The following RAI1 variants were observed in gnomAD, a reference collection of about 807,000 sequenced individuals.
RAI1 encodes the protein retinoic acid induced 1, also known as retinoic acid-induced protein 1.
Under a neutral mutation model 123.8 loss-of-function variants are expected in RAI1, and 9 were observed. The ratio of observed to expected loss-of-function variants is 0.07; its 90% confidence interval spans 0.04 to 0.13. The LOEUF (loss-of-function observed/expected upper bound fraction) is 0.13, where lower values mean the gene tolerates loss of function less well. Among genes scored for constraint, RAI1 ranks in the 10% least tolerant of loss-of-function variants. The pLI, the probability that RAI1 is intolerant of heterozygous loss-of-function variation, is 1.00. For missense variants in RAI1, 2,256 were observed against 2,545.8 expected (o/e 0.89, Z 2.45); for synonymous variants, 1,231 against 1,127.3 (o/e 1.09, Z -1.84).
intron 3 of RAI1, among the ~76,000 whole-genome samples, chr17:17,802,669 G>A (rs1052602164): frequency 6.6e-6 from 1 of 152,134 alleles, no homozygotes; most frequent in Non-Finnish European, 1.5e-5. Context: ...CCAGCTACTG[G>A]GGAGGCTGAG....
rs566953006 is a variant in RAI1, at chr17:17,691,643, G to C, written c.-149+9850G>C. On this transcript the variant is annotated intron_variant, in intron 1 of 5. Coordinates refer to ENST00000353383, the MANE Select transcript of RAI1 (RefSeq NM_030665.4). ...GCTACCAGGCACCTGGTGTGTGCCCGGGGAGAAGTCAGAAAAAGGCCTGGC... is the reference window on the plus strand; with the variant it reads ...GCTACCAGGCACCTGGTGTGTGCCCCGGGAGAAGTCAGAAAAAGGCCTGGC... 2.6e-5 allele frequency among the ~76,000 whole-genome samples: 4 copies of C among 152,280 alleles called. No homozygotes were observed. The East Asian group carries it at 7.7e-4, about 29-fold the overall frequency.
At chr17:17,790,510 G>A (rs1454012617) in intron 2 of RAI1, among the ~76,000 whole-genome samples, 2 of 152,182 alleles carry the variant, frequency 1.3e-5, no homozygotes, top group African/African-American at 2.4e-5. Flanking sequence ...TAAACAGGGA[G>A]GGAGGAATGC....
chr17:17,700,645 A>G (rs1439656140), intron 1 of RAI1, among the ~76,000 whole-genome samples: 1 of 151,978 alleles, frequency 6.6e-6, no homozygotes, highest in Non-Finnish European at 1.5e-5. Context: ...GGGATGGGAG[A>G]GAAGAGGAGA....
Position 17,800,122 on chromosome 17 carries a change from C to T in RAI1, c.5565+1609C>T, listed in dbSNP as rs2032402182. Among the ~76,000 whole-genome samples, 1 of 151,960 alleles carries T rather than the reference C, an allele frequency of 6.6e-6. No homozygotes were observed. Among genetic ancestry groups the T allele is most frequent in the Non-Finnish European group, 1.5e-5 (1 of 67,986 alleles). ...AGCAGATGGTGGCCTTGGGCCTCTT[C>T]CCTCTCCCCTTCCCAGTTAGTGATT... is the stretch of plus-strand genomic sequence containing the variant. On this transcript the variant is annotated intron_variant, in intron 3 of 5. Transcript: ENST00000353383. This position sits in a 1 kb window ranked among gnomAD's most constrained non-coding sequence, Gnocchi z 4.7.
rs770565337 is a variant in RAI1, at chr17:17,795,482, G to A, written c.2534G>A (p.Cys845Tyr). The change falls in exon 3 of 6, where the codon TGT becomes TAT. Residue 845 changes from cysteine to tyrosine, a missense_variant. This residue lies in a region of RAI1 where 566 missense variants were observed against 616.0 expected (regional missense o/e 0.92). Transcript: ENST00000353383. The surrounding 1 kb of genome is among the most constrained non-coding windows in gnomAD (Gnocchi z 5.9). ...DRWLEDSRHC[C>Y]STADFGDLPL... ...TGGCTGGAGGACAGCCGGCACTGCT[G>A]TTCCACCGCCGACTTCGGGGACCTC... The A allele has an allele frequency of 1.0e-5, 16 of 1,585,090 alleles. No individual in the cohort carries two copies. Among genetic ancestry groups the A allele is most frequent in the East Asian group, 2.3e-5 (1 of 43,460 alleles).
intron 2 of RAI1, among the ~76,000 whole-genome samples, chr17:17,753,355 G>T (rs1416317443): frequency 2.6e-5 from 4 of 152,196 alleles, no homozygotes; most frequent in African/African-American, 7.2e-5. Flanking sequence ...GGGTTGGAGT[G>T]GGGGTTGGAG....
chr17:17,775,749 G>T (rs1458793984), intron 2 of RAI1, among the ~76,000 whole-genome samples: 1 of 152,124 alleles, frequency 6.6e-6, no homozygotes, highest in Non-Finnish European at 1.5e-5. Flanking sequence ...TGCTGTCTCG[G>T]GTGGTGGAGG....
At chr17:17,718,553 C>T (rs1390454345) in intron 1 of RAI1, among the ~76,000 whole-genome samples, 2 of 152,132 alleles carry the variant, frequency 1.3e-5, no homozygotes, top group East Asian at 1.9e-4. Flanking sequence ...CTGTTCTGTT[C>T]CCTGCTGTCC....
In RAI1 at chr17:17,729,551, C is replaced by T. The variant is rs562292397; in HGVS notation, c.-17+5392C>T. Reference sequence around the variant, plus strand: ...CGCTGGCCACGAGTGGGGGCTTTTTCTGCTTCTCTGAGCCTCAGTTTCCCC... The same window carrying T: ...CGCTGGCCACGAGTGGGGGCTTTTTTTGCTTCTCTGAGCCTCAGTTTCCCC... On this transcript the variant is annotated intron_variant, in intron 2 of 5. Transcript: ENST00000353383. Among the ~76,000 whole-genome samples, 5 of 152,312 alleles carry T rather than the reference C, an allele frequency of 3.3e-5. No homozygotes were observed. In the East Asian group the frequency reaches 9.6e-4, roughly 29 times the overall value.
intron 1 of RAI1, among the ~76,000 whole-genome samples, chr17:17,697,943 TC>T (rs1915091851): frequency 6.6e-6 from 1 of 152,198 alleles, no homozygotes; most frequent in South Asian, 2.1e-4. Context: ...CCACTTTTCA[TC>T]AGTGGTGGGG....
chr17:17,746,554 C>T (rs1304216366), intron 2 of RAI1, among the ~76,000 whole-genome samples: 3 of 152,150 alleles, frequency 2.0e-5, no homozygotes, highest in Admixed American at 6.5e-5. Context: ...CTGCCTCCCC[C>T]AAGGATGGGG....
intron 2 of RAI1, among the ~76,000 whole-genome samples, chr17:17,775,029 AT>A (rs1455708764): frequency 1.3e-5 from 2 of 152,006 alleles, no homozygotes; most frequent in African/African-American, 4.8e-5. Context: ...CTGGTTTTAA[AT>A]TTTATAACGT....
chr17:17,752,268 T>C (rs2030211146), intron 2 of RAI1, among the ~76,000 whole-genome samples: 1 of 152,176 alleles, frequency 6.6e-6, no homozygotes, highest in Non-Finnish European at 1.5e-5. Context: ...TCCTGCCTTT[T>C]GTGTTCGCAC....
At chr17:17,681,916 G>C (rs2142844427) in intron 1 of RAI1, 123 bp downstream of exon 1, 1 of 227,722 alleles carries the variant, frequency 4.4e-6, no homozygotes, top group African/African-American at 2.4e-5. Context: ...CCGAGCGCGC[G>C]CGCTGGGTGG....
At position 17,756,932 on chromosome 17, in the gene RAI1, T is replaced by C. The variant is rs915553375; in HGVS notation, c.-17+32773T>C. On this transcript the variant is annotated intron_variant, in intron 2 of 5. Coordinates refer to ENST00000353383, the MANE Select transcript of RAI1 (RefSeq NM_030665.4). ...CTGTTCATGACTGTTGCCATTGTTA[T>C]TAACCGCATGCCCATTGCCTTTCAG... is the stretch of plus-strand genomic sequence containing the variant. 4.6e-5 allele frequency among the ~76,000 whole-genome samples: 7 copies of C among 152,220 alleles called. 1 individual carries two copies. The South Asian group carries it at 1.4e-3, about 31-fold the overall frequency.
rs537630642 is a variant in RAI1 at position 17,696,548 on chromosome 17, A to G, written c.-149+14755A>G. Among the ~76,000 whole-genome samples, 41 of 152,336 alleles carry G rather than the reference A, an allele frequency of 2.7e-4. No individual in the cohort carries two copies. The South Asian group carries it at 8.1e-3, about 30-fold the overall frequency. Reference sequence around the variant, plus strand: ...GCTCCTGAACCACGTTCTTGGGAGAACTTCCGAGATGAGGCAGACATTTCT... The same window carrying G: ...GCTCCTGAACCACGTTCTTGGGAGAGCTTCCGAGATGAGGCAGACATTTCT... On this transcript the variant is annotated intron_variant, in intron 1 of 5. Transcript: ENST00000353383.
intron 2 of RAI1, among the ~76,000 whole-genome samples, chr17:17,771,664 C>T (rs770142839): frequency 6.6e-5 from 10 of 152,212 alleles, no homozygotes; most frequent in Non-Finnish European, 1.5e-4. Flanking sequence ...TGTTTCCCAG[C>T]AAGGGGCAGG....
intron 2 of RAI1, among the ~76,000 whole-genome samples, chr17:17,761,385 C>T (rs1354170943): frequency 6.6e-6 from 1 of 152,084 alleles, no homozygotes; most frequent in African/African-American, 2.4e-5. Flanking sequence ...CAGCCCACGT[C>T]ATTAGCTTTT....
At chr17:17,732,278 C>G (rs998175903) in intron 2 of RAI1, among the ~76,000 whole-genome samples, 1 of 152,190 alleles carries the variant, frequency 6.6e-6, no homozygotes, top group South Asian at 2.1e-4. Context: ...GAAGAAGGCA[C>G]TGCTTAACTC....
Sources: allele counts gnomAD v4.1 joint callset (sites outside exome capture counted in the v4.1 genomes callset), GRCh38; gene constraint gnomAD v4.1.1; regional missense constraint gnomAD v4.1.1; non-coding constraint Gnocchi (gnomAD v3.1); transcripts MANE v1.5; gene names NCBI Gene and HGNC (gene_info 2026-07-23, HGNC 2026-07-21).